Variants in VWDE observed in about 807,000 individuals in gnomAD.
VWDE encodes von Willebrand factor D and EGF domains, also known as von Willebrand factor D and EGF domain-containing protein.
A neutral mutation model predicts 178.4 loss-of-function variants in VWDE; 207 were observed. That is an observed-to-expected ratio of 1.16 (90% confidence interval 1.04 to 1.30). VWDE has a LOEUF of 1.30. VWDE is among the 50% of genes most tolerant of loss of function. The pLI, the probability that VWDE is intolerant of heterozygous loss-of-function variation, is 0.00. For missense variants in VWDE, 2,287 were observed against 1,901.3 expected, an observed-to-expected ratio of 1.20 and a Z score of -3.77; for synonymous variants, 738 against 651.4, an observed-to-expected ratio of 1.13 and a Z score of -2.02.
intron 7 of VWDE, chr7:12,377,524 T>C (rs1562503380): frequency 1.5e-5 from 4 of 264,906 alleles, no homozygotes; most frequent in African/African-American, 2.2e-5. Context: ...AAAAAGATGA[T>C]GACGAAGAGG....
At position 12,351,685 on chromosome 7, in the gene VWDE, A is replaced by G. The variant is rs546864894; in HGVS notation, c.3774T>C (p.Thr1258=). The G allele has an allele frequency of 3.9e-6, 6 of 1,547,856 alleles. No individual in the cohort carries two copies. The part of the protein sequence containing the change: ...KVETQFVNQF[T]TQTVVLTRSD... ...ATCTTGTGAGAACCACAGTTTGTGT[A>G]GTAAATTGATTTACAAACTGTGTTT... is the stretch of plus-strand genomic sequence containing the variant. Residue 1258 remains threonine, a synonymous_variant, in exon 19 of 29, where the codon ACT becomes ACC. Coordinates refer to ENST00000275358, the MANE Select transcript of VWDE (RefSeq NM_001135924.3).
chr7:12,381,063 G>A (rs1286341899), intron 4 of VWDE, among the ~76,000 whole-genome samples: 1 of 152,062 alleles, frequency 6.6e-6, no homozygotes, highest in Non-Finnish European at 1.5e-5. Context: ...ACAAAATTAA[G>A]GTTTAGTACA....
rs143469622 is a variant in VWDE at position 12,357,256 on chromosome 7, A to C, written c.3525+9T>G. On this transcript the variant is annotated intron_variant, in intron 17 of 28. Transcript: ENST00000275358. Reference sequence around the variant, plus strand: ...AATCCAGTGGCACTTATGTAATTATAAAGATTACCTCAATCGTGACTCTAG... The same window carrying C: ...AATCCAGTGGCACTTATGTAATTATCAAGATTACCTCAATCGTGACTCTAG... The C allele has an allele frequency of 1.1e-4, 172 of 1,549,296 alleles. No homozygotes were observed. In the East Asian group the frequency reaches 3.1e-3, roughly 28 times the overall value.
At chr7:12,386,709 C>T (rs1277048417) in intron 3 of VWDE, among the ~76,000 whole-genome samples, 1 of 152,182 alleles carries the variant, frequency 6.6e-6, no homozygotes, top group East Asian at 1.9e-4. Context: ...TTAGACGTTT[C>T]GCTGGTGACG....
chr7:12,358,990 A>C (rs1166808366), intron 16 of VWDE, among the ~76,000 whole-genome samples: 1 of 152,220 alleles, frequency 6.6e-6, no homozygotes, highest in Non-Finnish European at 1.5e-5. Flanking sequence ...CTTAAATAAA[A>C]TTACATGGGG....
Position 12,375,095 on chromosome 7 carries a change from T to C in VWDE, c.1157A>G (p.Asp386Gly), listed in dbSNP as rs1024542950. 5 of 1,551,182 alleles carry C rather than the reference T, an allele frequency of 3.2e-6. No individual in the cohort carries two copies. Among genetic ancestry groups the C allele is most frequent in the Admixed American group, 3.9e-5 (2 of 50,934 alleles). The stretch of plus-strand genomic sequence containing the variant: ...TACAATGTTTGAGACTCTATCTCCA[T>C]CTCGAGAAAAATCTGTGACAGCAGT... ...YYTAVTDFSR[D>G]GDRVSNIVVQ... The change falls in exon 8 of 29, where the codon GAT becomes GGT. Residue 386 changes from aspartate to glycine, a missense_variant. Asp to Gly is a moderately conservative substitution (Grantham distance 94, BLOSUM62 -1). Transcript: ENST00000275358.
chr7:12,361,639 T>A (rs1384708611), intron 13 of VWDE, 118 bp from the exon 14 acceptor site: 1 of 938,922 alleles, frequency 1.1e-6, no homozygotes, highest in Non-Finnish European at 1.5e-6. Flanking sequence ...ATGTAATATA[T>A]AACAGGGAAA....
At chr7:12,333,637 T>C (rs1452514370) in intron 27 of VWDE, 69 bp from the exon 28 acceptor site, 9 of 1,067,116 alleles carry the variant, frequency 8.4e-6, no homozygotes, top group Admixed American at 4.0e-5. Flanking sequence ...TCTATCCTAG[T>C]GGTCTGGGGC....
Position 12,359,616 on chromosome 7 carries a change from C to T in VWDE, c.3236G>A (p.Arg1079Lys). ...CCAAGTAAATCTTGAAATTTTGGGT[C>T]TACAAATCAAACAAGGGCTGGTTGG... ...KNPTSPCLIC[R>K]PKISRFTWSF... Residue 1079 changes from arginine (R) to lysine (K), a missense_variant, in exon 16 of 29, where the codon AGA becomes AAA. Coordinates refer to ENST00000275358, the MANE Select transcript of VWDE (RefSeq NM_001135924.3). 6.5e-7 allele frequency: 1 copy of T among 1,550,248 alleles called. No individual in the cohort carries two copies. Among genetic ancestry groups the T allele is most frequent in the Non-Finnish European group, 8.7e-7 (1 of 1,146,198 alleles).
intron 23 of VWDE, among the ~76,000 whole-genome samples, chr7:12,341,392 G>C (rs1781320259): frequency 6.6e-6 from 1 of 152,146 alleles, no homozygotes; most frequent in Non-Finnish European, 1.5e-5. Flanking sequence ...CCAGTACTTT[G>C]AGAGGCTGAG....
intron 1 of VWDE, among the ~76,000 whole-genome samples, chr7:12,402,883 C>T (rs1299208293): frequency 2.6e-5 from 4 of 151,862 alleles, no homozygotes; most frequent in Non-Finnish European, 5.9e-5. Flanking sequence ...AATGTTTTTT[C>T]AAGCTGCAGA....
rs1478140052 is a variant in VWDE, at chr7:12,336,146, T to C, written c.4649A>G (p.Gln1550Arg). Residue 1550 changes from glutamine (Q) to arginine (R), a missense_variant, in exon 27 of 29, where the codon CAA becomes CGA. Gln to Arg is a conservative substitution (Grantham distance 43). Transcript: ENST00000275358. Reference sequence around the variant, plus strand: ...AAAACATCCTGTGGGCTTACGTATTTGACACCGCACTCCTTCCCAGGAGGA... The same window carrying C: ...AAAACATCCTGTGGGCTTACGTATTCGACACCGCACTCCTTCCCAGGAGGA... Reference protein sequence around the residue: ...CPSSWEGVRCQIPICNPKCLY... With the variant: ...CPSSWEGVRCRIPICNPKCLY... 5.2e-6 allele frequency: 8 copies of C among 1,550,524 alleles called. No homozygotes were observed. The South Asian group carries it at 6.0e-5, about 12-fold the overall frequency.
intron 1 of VWDE, among the ~76,000 whole-genome samples, chr7:12,401,650 G>C (rs983996555): frequency 3.9e-5 from 6 of 152,118 alleles, no homozygotes; most frequent in Non-Finnish European, 8.8e-5. Flanking sequence ...AAAAAGTGTT[G>C]ATGGAAACAT....
At chr7:12,401,962 A>G (rs1258052284) in intron 1 of VWDE, among the ~76,000 whole-genome samples, 1 of 152,228 alleles carries the variant, frequency 6.6e-6, no homozygotes, top group Non-Finnish European at 1.5e-5. Context: ...ATTCTATCTT[A>G]AAAAGGAATG....
At chr7:12,337,965 T>C (rs1292372867) in intron 24 of VWDE, among the ~76,000 whole-genome samples, 1 of 152,150 alleles carries the variant, frequency 6.6e-6, no homozygotes, top group African/African-American at 2.4e-5. Context: ...GGCATTTCTT[T>C]TAAGTAATAC....
chr7:12,331,252 C>G, intron 28 of VWDE, 55 bp from the exon 29 acceptor site: 3 of 1,462,796 alleles, frequency 2.1e-6, no homozygotes, highest in Non-Finnish European at 2.8e-6. Flanking sequence ...ATCATTTAAC[C>G]CTTACTCATT....
chr7:12,396,731 C>T (rs903259659), intron 1 of VWDE, among the ~76,000 whole-genome samples: 5 of 147,488 alleles, frequency 3.4e-5, no homozygotes, highest in African/African-American at 1.3e-4. Flanking sequence ...GCCTGACCAA[C>T]AAGGAGAAAC....
intron 15 of VWDE, among the ~76,000 whole-genome samples, chr7:12,360,303 C>T (rs1009147123): frequency 1.3e-5 from 2 of 152,020 alleles, no homozygotes; most frequent in Non-Finnish European, 2.9e-5. Flanking sequence ...TACAAAATCT[C>T]CTTTAATATC....
chr7:12,382,089 C>T (rs1011586710), intron 4 of VWDE, among the ~76,000 whole-genome samples: 1 of 151,856 alleles, frequency 6.6e-6, no homozygotes, highest in Admixed American at 6.6e-5. Flanking sequence ...TATATTAATA[C>T]ATTTTCCATT....
Sources: gnomAD v4.1 joint callset for allele counts (sites outside exome capture counted in the v4.1 genomes callset) on GRCh38, gnomAD v4.1.1 for gene constraint, MANE v1.5 for transcripts, NCBI Gene and HGNC (gene_info 2026-07-23, HGNC 2026-07-21) for gene names.